Variants in SMC4 observed in about 807,000 individuals in gnomAD.
SMC4 encodes structural maintenance of chromosomes 4.
In SMC4, 87 loss-of-function variants were observed where a neutral mutation model predicts 145.6. The ratio of observed to expected loss-of-function variants is 0.60; its 90% CI spans 0.50 to 0.71. The LOEUF (loss-of-function observed/expected upper bound fraction) is 0.71, where lower values mean the gene tolerates loss of function less well. Among genes scored for constraint, SMC4 ranks in the 30% least tolerant of loss-of-function variants. SMC4 has a pLI of 0.00. For synonymous variants in SMC4, 558 were observed against 500.7 expected, an observed-to-expected ratio of 1.11 and a Z score of -1.53; for missense variants, 1,447 against 1,537.1, an observed-to-expected ratio of 0.94 and a Z score of 0.98.
intron 22 of SMC4, chr3:160,432,761 A>T: frequency 1.9e-6 from 1 of 527,304 alleles, no homozygotes; most frequent in Non-Finnish European, 3.3e-6. Context: ...ATGAGGATTG[A>T]GAAATTGTAT....
At position 160,433,795 on chromosome 3, in the gene SMC4, A is replaced by G; in HGVS notation, c.3853A>G (p.Lys1285Glu). The G allele has an allele frequency of 1.2e-6, 2 of 1,602,602 alleles. No individual in the cohort carries two copies. The highest frequency in any genetic ancestry group is 1.7e-6 in the Non-Finnish European group (2 of 1,176,348). The change falls in exon 24 of 24, where the codon AAG becomes GAG. Residue 1285 changes from lysine (K) to glutamate (E), a missense_variant. Physicochemically the swap from Lys to Glu is moderately conservative, Grantham distance 56. Transcript: ENST00000357388. ...VAVNPKEIAS[K>E]GLC Reference sequence around the variant, plus strand: ...TGTAAATCCAAAAGAAATTGCATCTAAGGGACTTTGTTGAACTTTATGCTG... The same window carrying G: ...TGTAAATCCAAAAGAAATTGCATCTGAGGGACTTTGTTGAACTTTATGCTG...
In SMC4 at chr3:160,431,806, T is replaced by C. The variant is rs1324615384; in HGVS notation, c.3278T>C (p.Ile1093Thr). 1 of 1,613,058 alleles carries C rather than the reference T, an allele frequency of 6.2e-7. No individual in the cohort carries two copies. Among genetic ancestry groups the C allele is most frequent in the Non-Finnish European group, 8.5e-7 (1 of 1,179,824 alleles). Residue 1093 changes from isoleucine (I) to threonine (T), a missense_variant, in exon 21 of 24, where the codon ATC becomes ACC. Ile to Thr is a moderately conservative substitution (Grantham distance 89). Transcript: ENST00000357388. ...GAAATGAAACCAAACCTCGGTGCCA[T>C]CGCAGAGTATAAAAAGAAGGTATGA... ...CHEMKPNLGA[I>T]AEYKKKEELY...
intron 11 of SMC4, among the ~76,000 whole-genome samples, chr3:160,418,173 C>T (rs939570462): frequency 6.6e-6 from 1 of 152,058 alleles, no homozygotes; most frequent in Non-Finnish European, 1.5e-5. Context: ...GTAAGTAAAT[C>T]ACCACCACCA....
chr3:160,409,637 A>C (rs1022797726), intron 5 of SMC4, among the ~76,000 whole-genome samples: 2 of 152,216 alleles, frequency 1.3e-5, no homozygotes, highest in Admixed American at 1.3e-4. Flanking sequence ...CATTTGACTC[A>C]AATGTAAGTT....
At chr3:160,428,687 T>C in intron 17 of SMC4, 66 bp from the exon 18 acceptor site, 1 of 1,416,508 alleles carries the variant, frequency 7.1e-7, no homozygotes, top group East Asian at 2.4e-5. Flanking sequence ...TGAAGAAATG[T>C]ACATCTAACA....
intron 10 of SMC4, among the ~76,000 whole-genome samples, chr3:160,416,947 A>G (rs1716655005): frequency 6.6e-6 from 1 of 152,190 alleles, no homozygotes; most frequent in African/African-American, 2.4e-5. Context: ...AAATATATCT[A>G]TATAACGTAC....
chr3:160,401,856 C>T, intron 2 of SMC4, 59 bp from the exon 3 acceptor site: 1 of 1,363,690 alleles, frequency 7.3e-7, no homozygotes. Context: ...ACTAATTGCA[C>T]TAATGTAGGC....
chr3:160,418,325 G>T (rs1283033110), intron 11 of SMC4, among the ~76,000 whole-genome samples: 1 of 152,044 alleles, frequency 6.6e-6, no homozygotes, highest in Non-Finnish European at 1.5e-5. Flanking sequence ...TGTGTTTTGG[G>T]TTTTGAATTT....
chr3:160,431,317 A>G (rs1718379953), intron 20 of SMC4, 112 bp downstream of exon 20: 3 of 845,412 alleles, frequency 3.5e-6, no homozygotes, highest in Non-Finnish European at 5.3e-6. Flanking sequence ...TGTGAGCTAC[A>G]TTGTGATTTT....
At chr3:160,417,633 C>T in intron 10 of SMC4, 90 bp from the exon 11 acceptor site, 1 of 1,038,512 alleles carries the variant, frequency 9.6e-7, no homozygotes, top group South Asian at 1.4e-5. Flanking sequence ...AATCTCCTTT[C>T]TTAAATCGAA....
rs767473810 is a variant in SMC4, at chr3:160,431,019, T to C, written c.2941-13T>C. The C allele has an allele frequency of 2.5e-6, 4 of 1,588,256 alleles. No individual in the cohort carries two copies. The Admixed American group carries it at 7.7e-5, about 31-fold the overall frequency. ...TTGGAAAATTCTATCTAGCAGTTCT[T>C]TTCGGTGTTTAGGAATCCTTACCAG... On this transcript the variant is annotated splice_polypyrimidine_tract_variant and intron_variant, in intron 19 of 23. Coordinates refer to ENST00000357388, the MANE Select transcript of SMC4 (RefSeq NM_001002800.3).
chr3:160,433,123 T>C lies in SMC4; in HGVS notation c.3628T>C (p.Tyr1210His). Reference protein sequence around the residue: ...SLALVFALHHYKPTPLYFMDE... With the variant: ...SLALVFALHHHKPTPLYFMDE... ...GGCTTTAGTATTTGCTCTTCACCAC[T>C]ACAAGCCCACTCCCCTTTACTTCAT... Residue 1210 changes from tyrosine (Y) to histidine (H), a missense_variant, in exon 23 of 24, where the codon TAC (tyrosine) becomes CAC (histidine). Physicochemically the swap from Tyr to His is moderately conservative, Grantham distance 83 (BLOSUM62 2). Coordinates refer to ENST00000357388, the MANE Select transcript of SMC4 (RefSeq NM_001002800.3). 6.2e-7 allele frequency: 1 copy of C among 1,613,414 alleles called. No homozygotes were observed. The highest frequency in any genetic ancestry group is 8.5e-7 in the Non-Finnish European group (1 of 1,179,390).
intron 15 of SMC4, 55 bp from the exon 16 acceptor site, chr3:160,424,812 T>A: frequency 6.2e-7 from 1 of 1,601,574 alleles, no homozygotes; most frequent in East Asian, 2.2e-5. Flanking sequence ...GTTTTCTTCG[T>A]AAGTTGACTT....
Position 160,404,481 on chromosome 3 carries a change from C to G in SMC4, c.664C>G (p.His222Asp). Residue 222 changes from histidine (H) to aspartate (D), a missense_variant, in exon 5 of 24, where the codon CAT becomes GAT. His to Asp is a moderately conservative substitution (Grantham distance 81). Transcript: ENST00000357388. ...TCGAAGCCATGGAATTGACTTGGAC[C>G]ATAATAGATTTTTAATTTTACAGGT... ...LLRSHGIDLD[H>D]NRFLILQGEV... is the part of the protein sequence containing the mutation. The G allele has an allele frequency of 6.2e-7, 1 of 1,603,524 alleles. No homozygotes were observed. The highest frequency in any genetic ancestry group is 8.5e-7 in the Non-Finnish European group (1 of 1,177,200).
chr3:160,422,222 G>C (rs1460901306), intron 13 of SMC4, among the ~76,000 whole-genome samples: 2 of 152,202 alleles, frequency 1.3e-5, no homozygotes, highest in African/African-American at 4.8e-5. Flanking sequence ...TATATACCTA[G>C]GGTAGAACTG....
At chr3:160,413,958 A>G (rs1337578127) in intron 8 of SMC4, 4 of 312,904 alleles carry the variant, frequency 1.3e-5, no homozygotes, top group Non-Finnish European at 2.4e-5. Flanking sequence ...GGGTTTTATC[A>G]TGTCCCTACT....
At chr3:160,424,084 A>C (rs977329969) in intron 15 of SMC4, among the ~76,000 whole-genome samples, 1 of 152,154 alleles carries the variant, frequency 6.6e-6, no homozygotes, top group African/African-American at 2.4e-5. Context: ...GATCATACAG[A>C]TATTCCATAA....
intron 12 of SMC4, chr3:160,420,508 ATGT>A (rs1239733362): frequency 4.2e-5 from 18 of 429,102 alleles, no homozygotes; most frequent in East Asian, 3.8e-4. Context: ...TTTAAGCTTC[ATGT>A]TGTTTTCATA....
At position 160,419,326 on chromosome 3, in the gene SMC4, G is replaced by C. The variant is rs768445251; in HGVS notation, c.1672-32G>C. 3 of 1,450,846 alleles carry C rather than the reference G, an allele frequency of 2.1e-6. No homozygotes were observed. The East Asian group carries it at 6.9e-5, about 33-fold the overall frequency. The allele number at this position is 1,450,846 out of a possible 1,614,324, so 89.9% of individuals were successfully genotyped here. On this transcript the variant is annotated intron_variant, in intron 11 of 23. Transcript: ENST00000357388. ...TGACTGGTCATATTTAGAAGTTAAT[G>C]CTTCTGGATTTCATTTTATTTTCAC...
Sources: gnomAD v4.1 joint callset for allele counts (sites outside exome capture counted in the v4.1 genomes callset) on GRCh38, gnomAD v4.1.1 for gene constraint, MANE v1.5 for transcripts, NCBI Gene and HGNC (gene_info 2026-07-23, HGNC 2026-07-21) for gene names.